The following ZNF93 variants were observed in gnomAD, a reference collection of about 807,000 sequenced individuals.
The protein encoded by ZNF93 is zinc finger protein 93.
ZNF93 carries 29 observed loss-of-function variants against 45.0 expected under a neutral mutation model. The observed-to-expected ratio is 0.64, with a 90% CI of 0.48 to 0.88. ZNF93 has a LOEUF of 0.88. Among genes scored for constraint, ZNF93 ranks in the 40% least tolerant of loss-of-function variants. The pLI is 0.00. For synonymous variants in ZNF93, 223 were observed against 244.6 expected (o/e 0.91, Z 0.82); for missense variants, 578 against 724.0 (o/e 0.80, Z 2.31).
intron 2 of ZNF93, among the ~76,000 whole-genome samples, chr19:19,916,322 C>T (rs2063323530): frequency 6.6e-6 from 1 of 152,140 alleles, no homozygotes; most frequent in African/African-American, 2.4e-5. Flanking sequence ...GCCTTGGCCT[C>T]CCCCTGATCT....
intron 3 of ZNF93, among the ~76,000 whole-genome samples, chr19:19,924,613 G>A (rs1307074103): frequency 6.7e-6 from 1 of 150,032 alleles, no homozygotes; most frequent in African/African-American, 2.4e-5. Context: ...TTTTTGAGGT[G>A]GGGTTTCATT....
chr19:19,923,238 G>A (rs1415025707), intron 3 of ZNF93, among the ~76,000 whole-genome samples: 1 of 152,148 alleles, frequency 6.6e-6, no homozygotes, highest in East Asian at 1.9e-4. Flanking sequence ...AGCGGAGGCT[G>A]CAGAACAGCG....
At chr19:19,918,802 T>C (rs143257065) in intron 3 of ZNF93, among the ~76,000 whole-genome samples, 225 of 152,326 alleles carry the variant, frequency 1.5e-3, no homozygotes, top group African/African-American at 4.2e-3. Context: ...TGGGGTTGTT[T>C]GTTTTTTTCT....
At chr19:19,902,132 A>G (rs1012160233) in intron 1 of ZNF93, among the ~76,000 whole-genome samples, 1 of 152,208 alleles carries the variant, frequency 6.6e-6, no homozygotes, top group African/African-American at 2.4e-5. Context: ...TTATGTAAAT[A>G]CTGTGTTTGA....
At chr19:19,918,156 T>C (rs1415857953) in intron 3 of ZNF93, among the ~76,000 whole-genome samples, 1 of 151,616 alleles carries the variant, frequency 6.6e-6, no homozygotes, top group Non-Finnish European at 1.5e-5. Context: ...TGTGTCCAAG[T>C]GTTCTCATTG....
intron 2 of ZNF93, among the ~76,000 whole-genome samples, chr19:19,916,104 T>G (rs1406492362): frequency 6.6e-6 from 1 of 150,926 alleles, no homozygotes; most frequent in African/African-American, 2.4e-5. Flanking sequence ...TCTTGCTCTG[T>G]CACCCAGGCT....
chr19:19,919,416 G>A (rs1000096543), intron 3 of ZNF93, among the ~76,000 whole-genome samples: 72 of 152,114 alleles, frequency 4.7e-4, no homozygotes, highest in Non-Finnish European at 8.7e-4. Context: ...TTTTGGCTTA[G>A]GATTGACTTG....
intron 1 of ZNF93, among the ~76,000 whole-genome samples, chr19:19,910,324 A>T (rs891008261): frequency 6.6e-6 from 1 of 152,218 alleles, no homozygotes; most frequent in Admixed American, 6.5e-5. Context: ...TGAACTATGT[A>T]TTCATCTCTT....
chr19:19,911,559 G>A (rs899318557), intron 1 of ZNF93, among the ~76,000 whole-genome samples: 9 of 152,152 alleles, frequency 5.9e-5, no homozygotes, highest in Admixed American at 4.6e-4. Flanking sequence ...ACATGAAGCA[G>A]TCATAGTTCC....
In ZNF93 at chr19:19,933,975, A is replaced by G. The variant is rs2063383719; in HGVS notation, c.1020A>G (p.Pro340=). 6 of 1,610,072 alleles carry G rather than the reference A, an allele frequency of 3.7e-6. No homozygotes were observed. The highest frequency in any genetic ancestry group is 1.4e-5 in the African/African-American group (1 of 73,834). The change falls in exon 4 of 4, where the codon CCA becomes CCG. Residue 340 remains proline (P), a synonymous_variant. Coordinates refer to ENST00000343769, the MANE Select transcript of ZNF93 (RefSeq NM_031218.4). ...AGAGAATTCATACTGGAGAGAAACC[A>G]TACAAGTGTAATAAATGTGGCAAAG... The part of the protein sequence containing the change: ...THKRIHTGEK[P]YKCNKCGKAF...
At chr19:19,929,054 C>T (rs1302548960) in intron 3 of ZNF93, among the ~76,000 whole-genome samples, 1 of 152,104 alleles carries the variant, frequency 6.6e-6, no homozygotes, top group Non-Finnish European at 1.5e-5. Flanking sequence ...GCAAATTTCT[C>T]ATGAATGGCT....
chr19:19,933,460 GAAA>G lies in ZNF93; in HGVS notation c.511_513del (p.Lys171del). ...AAATAGACATAATATAAGACATACT[GAAA>G]AAAAACCTTTCAAATGCATAGAATG... On this transcript the variant is annotated inframe_deletion, in exon 4 of 4. Transcript: ENST00000343769. 1.2e-6 allele frequency: 2 copies of G among 1,602,010 alleles called. No homozygotes were observed. The highest frequency in any genetic ancestry group is 1.7e-6 in the Non-Finnish European group (2 of 1,176,506).
At chr19:19,916,739 T>C in intron 3 of ZNF93, 84 bp downstream of exon 3, 2 of 989,682 alleles carry the variant, frequency 2.0e-6, no homozygotes, top group South Asian at 1.9e-5. Context: ...TAAAATGTGA[T>C]TCGGGAAGCT....
chr19:19,905,942 T>C (rs1414974127), intron 1 of ZNF93, among the ~76,000 whole-genome samples: 1 of 152,228 alleles, frequency 6.6e-6, no homozygotes, highest in Non-Finnish European at 1.5e-5. Context: ...TTATGGCCTG[T>C]CCATGTCTTT....
chr19:19,923,315 G>T (rs988553263), intron 3 of ZNF93, among the ~76,000 whole-genome samples: 1 of 152,134 alleles, frequency 6.6e-6, no homozygotes, highest in Non-Finnish European at 1.5e-5. Flanking sequence ...TCTCAGAGGG[G>T]TACCCGGCCG....
chr19:19,911,623 TGCATCATATG>T (rs2063308572), intron 1 of ZNF93, among the ~76,000 whole-genome samples: 3 of 152,204 alleles, frequency 2.0e-5, no homozygotes, highest in Non-Finnish European at 4.4e-5. Context: ...AATTGAAGTG[TGCATCATATG>T]GTTGGTATAA....
chr19:19,916,796 TTC>T, intron 3 of ZNF93, 141 bp downstream of exon 3: 2 of 613,414 alleles, frequency 3.3e-6, no homozygotes, highest in South Asian at 5.1e-5. Flanking sequence ...TTGTTTTTGT[TTC>T]TGTTTTTTAA....
intron 3 of ZNF93, among the ~76,000 whole-genome samples, chr19:19,921,644 A>G (rs1370162327): frequency 6.6e-6 from 1 of 152,054 alleles, no homozygotes; most frequent in Non-Finnish European, 1.5e-5. Flanking sequence ...GGGTGCATAT[A>G]TATTTAGGAT....
At chr19:19,926,051 A>G (rs529352635) in intron 3 of ZNF93, 1 of 152,088 alleles carries the variant, frequency 6.6e-6, no homozygotes, top group East Asian at 1.9e-4. Context: ...AGTACAAACT[A>G]AAAGCTAAAT....
Sources: allele counts gnomAD v4.1 joint callset (sites outside exome capture counted in the v4.1 genomes callset), GRCh38; gene constraint gnomAD v4.1.1; transcripts MANE v1.5; gene names NCBI Gene and HGNC (gene_info 2026-07-23, HGNC 2026-07-21).